Variants in PARD3 observed in about 807,000 individuals in gnomAD.
PARD3 encodes par-3 family cell polarity regulator.
In PARD3, 75 loss-of-function variants were observed where a neutral mutation model predicts 155.4. The observed-to-expected ratio is 0.48, with a 90% confidence interval of 0.40 to 0.58. The LOEUF is 0.58. PARD3 is among the 20% of genes least tolerant of loss of function. The pLI, the probability that PARD3 is intolerant of heterozygous loss-of-function variation, is 0.00. For synonymous variants in PARD3, 576 were observed against 610.5 expected (o/e 0.94, Z 0.83); for missense variants, 1,642 against 1,721.7 (o/e 0.95, Z 0.82).
chr10:34,454,477 CTATA>C (rs1167079339), intron 4 of PARD3, among the ~76,000 whole-genome samples: 1 of 151,912 alleles, frequency 6.6e-6, no homozygotes, highest in African/African-American at 2.4e-5. Flanking sequence ...CTATTCAAGA[CTATA>C]TATGCTCACT....
chr10:34,806,308 G>C (rs1277262576), intron 1 of PARD3, among the ~76,000 whole-genome samples: 1 of 147,922 alleles, frequency 6.8e-6, no homozygotes, highest in African/African-American at 2.5e-5. Flanking sequence ...TGATTCTCTT[G>C]CCTCAGCCTC....
intron 22 of PARD3, among the ~76,000 whole-genome samples, chr10:34,263,193 A>C (rs945232914): frequency 2.6e-5 from 4 of 152,254 alleles, no homozygotes; most frequent in African/African-American, 9.6e-5. Context: ...CCTAAGTAAC[A>C]GTTGCAACAG....
At chr10:34,753,091 G>C (rs1836268772) in intron 1 of PARD3, among the ~76,000 whole-genome samples, 1 of 152,186 alleles carries the variant, frequency 6.6e-6, no homozygotes, top group South Asian at 2.1e-4. Context: ...TCAGTTCCAA[G>C]GACAGGGCCT....
intron 20 of PARD3, among the ~76,000 whole-genome samples, chr10:34,292,035 C>T (rs1956698853): frequency 6.6e-6 from 1 of 152,220 alleles, no homozygotes; most frequent in South Asian, 2.1e-4. Context: ...AAACTGCCCA[C>T]ATACCCATTC....
chr10:34,240,928 C>T (rs1953548439), intron 22 of PARD3, among the ~76,000 whole-genome samples: 2 of 152,174 alleles, frequency 1.3e-5, no homozygotes, highest in African/African-American at 2.4e-5. Context: ...CCTGCACACA[C>T]ACATCCATGA....
chr10:34,345,761 G>A lies in PARD3; in HGVS notation c.2218+2204C>T, dbSNP rs568996548. ...ATACCTCTCCTAATGCCTTGTTTGG[G>A]CATTCTCTTGCAAGGTAACGTCTTG... On this transcript the variant is annotated intron_variant, in intron 15 of 24. Coordinates refer to ENST00000374788, the MANE Select transcript of PARD3 (RefSeq NM_001184785.2). 1.5e-5 allele frequency: 15 copies of A among 985,330 alleles called. No homozygotes were observed. In the East Asian group the frequency reaches 6.8e-4, roughly 45 times the overall value. The allele number at this position is 985,330 out of a possible 1,614,324, so 61.0% of individuals were successfully genotyped here.
chr10:34,377,411 G>A (rs928013951), intron 10 of PARD3, among the ~76,000 whole-genome samples: 17 of 152,218 alleles, frequency 1.1e-4, no homozygotes, highest in Middle Eastern at 3.4e-3. Flanking sequence ...CCAATGTGGT[G>A]AAACCCTGTC....
At chr10:34,512,872 T>A (rs2081484295) in intron 3 of PARD3, among the ~76,000 whole-genome samples, 1 of 152,150 alleles carries the variant, frequency 6.6e-6, no homozygotes, top group South Asian at 2.1e-4. Context: ...ATCTCTTTCA[T>A]CCTGTAATAC....
In PARD3 at chr10:34,176,947, T is replaced by TTGTGTGTGTG. The variant is rs55740137; in HGVS notation, c.3420-45374_3420-45365dup. ...AAAGTCCTTCCTTAGGAGAAGCAGGTTGTGTGTGTGTGTGTGTGTGTGTCA... is the reference window on the plus strand; with the variant it reads ...AAAGTCCTTCCTTAGGAGAAGCAGGTTGTGTGTGTGTGTGTGTGTGTGTGTGTGTGTGTCA... On this transcript the variant is annotated intron_variant, in intron 22 of 24. Coordinates refer to ENST00000374788, the MANE Select transcript of PARD3 (RefSeq NM_001184785.2). Among the ~76,000 whole-genome samples the TTGTGTGTGTG allele has an allele frequency of 1.1e-3, 170 of 149,574 alleles. 1 individual carries two copies. The highest frequency in any genetic ancestry group is 3.5e-3 in the African/African-American group (144 of 40,780).
At chr10:34,427,158 G>T (rs1440025470) in intron 5 of PARD3, among the ~76,000 whole-genome samples, 1 of 152,168 alleles carries the variant, frequency 6.6e-6, no homozygotes, top group Non-Finnish European at 1.5e-5. Flanking sequence ...CTTAAGAACA[G>T]GATAACAGCG....
intron 5 of PARD3, among the ~76,000 whole-genome samples, chr10:34,429,994 T>C (rs544167104): frequency 5.3e-5 from 8 of 152,346 alleles, no homozygotes; most frequent in African/African-American, 1.9e-4. Flanking sequence ...TCTCCCAAAG[T>C]GCTAAGATTA....
chr10:34,279,141 C>CTTTTTTTTTTTTTTTTTTT (rs143467605), intron 21 of PARD3, among the ~76,000 whole-genome samples: 1 of 102,052 alleles, frequency 9.8e-6, no homozygotes, highest in African/African-American at 4.1e-5. Flanking sequence ...ATATTTTTTC[C>CTTTTTTTTTTTTTTTTTTT]TTTTTTTTTT....
At chr10:34,674,478 ATTTTT>A (rs11402018) in intron 2 of PARD3, among the ~76,000 whole-genome samples, 8 of 79,528 alleles carry the variant, frequency 1.0e-4, no homozygotes, top group African/African-American at 4.1e-4. Context: ...CACGCTCTTG[ATTTTT>A]TTTTTTTTTT....
intron 2 of PARD3, among the ~76,000 whole-genome samples, chr10:34,650,399 G>A (rs1047411884): frequency 1.3e-5 from 2 of 152,230 alleles, no homozygotes; most frequent in Admixed American, 1.3e-4. Context: ...TGACTGAAAT[G>A]CTTTTATGCT....
intron 2 of PARD3, among the ~76,000 whole-genome samples, chr10:34,602,879 G>A (rs909126769): frequency 8.5e-5 from 13 of 152,176 alleles, no homozygotes; most frequent in Admixed American, 8.5e-4. Flanking sequence ...TACTGCCCAC[G>A]TAGGCACACA....
At chr10:34,573,561 A>C (rs2086607673) in intron 2 of PARD3, among the ~76,000 whole-genome samples, 1 of 151,894 alleles carries the variant, frequency 6.6e-6, no homozygotes, top group Non-Finnish European at 1.5e-5. Context: ...AATAAAATTA[A>C]CCAGGCCTGG....
intron 14 of PARD3, among the ~76,000 whole-genome samples, chr10:34,357,914 G>T (rs1839058113): frequency 6.6e-6 from 1 of 152,136 alleles, no homozygotes; most frequent in South Asian, 2.1e-4. Context: ...AAATATGCTT[G>T]TATCATAGGT....
chr10:34,400,768 T>G (rs137890402), intron 6 of PARD3, among the ~76,000 whole-genome samples: 1 of 152,034 alleles, frequency 6.6e-6, no homozygotes, highest in African/African-American at 2.4e-5. Context: ...CATGCACTAA[T>G]TAAGACAACA....
At chr10:34,352,615 G>C (rs1004439660) in intron 14 of PARD3, among the ~76,000 whole-genome samples, 1 of 152,240 alleles carries the variant, frequency 6.6e-6, no homozygotes, top group East Asian at 1.9e-4. Context: ...CCGAGGTGCC[G>C]GGATTGCAGA....
Sources: gnomAD v4.1 joint callset for allele counts (sites outside exome capture counted in the v4.1 genomes callset) on GRCh38, gnomAD v4.1.1 for gene constraint, MANE v1.5 for transcripts, NCBI Gene and HGNC (gene_info 2026-07-23, HGNC 2026-07-21) for gene names.